The following BCAS1 variants were observed in gnomAD, a reference collection of about 807,000 sequenced individuals.
The protein encoded by BCAS1 is brain enriched myelin associated protein 1.
Under a neutral mutation model 65.4 loss-of-function variants are expected in BCAS1, and 46 were observed. That is an observed-to-expected ratio of 0.70 (90% CI 0.55 to 0.90). The LOEUF is 0.90. Among genes scored for constraint, BCAS1 ranks in the 40% least tolerant of loss-of-function variants. BCAS1 has a pLI of 0.00. For synonymous variants in BCAS1, 298 were observed against 293.5 expected (o/e 1.02, Z -0.16); for missense variants, 793 against 771.2 (o/e 1.03, Z -0.33).
chr20:54,039,239 T>G (rs977209960), intron 3 of BCAS1, among the ~76,000 whole-genome samples: 9 of 151,510 alleles, frequency 5.9e-5, no homozygotes, highest in African/African-American at 2.2e-4. Flanking sequence ...TAGATTAGAT[T>G]TGAAACTTTC....
At chr20:54,048,820 T>C (rs2092158280) in intron 3 of BCAS1, among the ~76,000 whole-genome samples, 1 of 152,238 alleles carries the variant, frequency 6.6e-6, no homozygotes. Context: ...TGGCTTAATA[T>C]GCCACTGTTC....
At chr20:54,066,163 C>T (rs1448373141) in intron 1 of BCAS1, among the ~76,000 whole-genome samples, 3 of 151,850 alleles carry the variant, frequency 2.0e-5, no homozygotes, top group Non-Finnish European at 4.4e-5. Context: ...AGCTCCGTCT[C>T]CCGGGTTCAC....
At chr20:54,065,985 G>A (rs2092435585) in intron 1 of BCAS1, among the ~76,000 whole-genome samples, 2 of 152,164 alleles carry the variant, frequency 1.3e-5, no homozygotes, top group South Asian at 4.1e-4. Flanking sequence ...TATTTTTGTA[G>A]CGCCTACCTT....
intron 7 of BCAS1, among the ~76,000 whole-genome samples, chr20:53,989,319 T>C (rs881206): frequency 0.13 from 19,106 of 152,200 alleles, 2,607 homozygotes; most frequent in African/African-American, 0.34. Flanking sequence ...TACAAGGGCA[T>C]GACCCTACTA....
At chr20:54,054,958 CAT>C (rs1168825320) in intron 3 of BCAS1, among the ~76,000 whole-genome samples, 3 of 151,984 alleles carry the variant, frequency 2.0e-5, no homozygotes, top group Non-Finnish European at 2.9e-5. Flanking sequence ...TATACCTATG[CAT>C]ATGTGTATCT....
At chr20:54,041,922 A>AAAAAAAAAAAAAAAAAAAAAC (rs2092006560) in intron 3 of BCAS1, among the ~76,000 whole-genome samples, 1 of 149,428 alleles carries the variant, frequency 6.7e-6, no homozygotes, top group Non-Finnish European at 1.5e-5. Context: ...AAAAAAAAAA[A>AAAAAAAAAAAAAAAAAAAAAC]AAAAAAAAAG....
At chr20:54,029,590 T>C (rs1300903578) in intron 3 of BCAS1, among the ~76,000 whole-genome samples, 1 of 152,228 alleles carries the variant, frequency 6.6e-6, no homozygotes, top group Non-Finnish European at 1.5e-5. Context: ...CCAGATTATC[T>C]AATTTTCTGT....
intron 4 of BCAS1, among the ~76,000 whole-genome samples, chr20:54,019,873 G>A (rs1316689772): frequency 2.0e-5 from 3 of 152,088 alleles, no homozygotes; most frequent in African/African-American, 4.8e-5. Flanking sequence ...CTGCACTGTC[G>A]GCCTCCACAC....
chr20:53,967,426 T>A (rs2090064143), intron 9 of BCAS1, among the ~76,000 whole-genome samples: 1 of 152,176 alleles, frequency 6.6e-6, no homozygotes, highest in Non-Finnish European at 1.5e-5. Flanking sequence ...ATTTGGCCTG[T>A]CTAGAAACCA....
At chr20:54,063,728 T>C (rs1396578512) in intron 1 of BCAS1, among the ~76,000 whole-genome samples, 1 of 152,220 alleles carries the variant, frequency 6.6e-6, no homozygotes, top group East Asian at 1.9e-4. Flanking sequence ...TAAATCCCCG[T>C]TTAATAGATG....
intron 3 of BCAS1, among the ~76,000 whole-genome samples, chr20:54,030,546 T>C: frequency 6.6e-6 from 1 of 151,782 alleles, no homozygotes. Context: ...AGGGAAGAAT[T>C]GAGATTTCTT....
In BCAS1 at chr20:53,989,179, G is replaced by T. The variant is rs376396565; in HGVS notation, c.1062+3333C>A. ...TTAGGGCAAAAAATAGTCTAAAAAA[G>T]TATCATGGTGAGGGCTGATACTGAG... On this transcript the variant is annotated intron_variant, in intron 7 of 12. Coordinates refer to ENST00000688948, the MANE Select transcript of BCAS1 (RefSeq NM_001366298.2). 2.6e-5 allele frequency among the ~76,000 whole-genome samples: 4 copies of T among 151,980 alleles called. No individual in the cohort carries two copies. In the South Asian group the frequency reaches 8.3e-4, roughly 32 times the overall value.
At chr20:54,066,897 T>TTA (rs769399652) in intron 1 of BCAS1, among the ~76,000 whole-genome samples, 3 of 152,238 alleles carry the variant, frequency 2.0e-5, no homozygotes, top group Non-Finnish European at 2.9e-5. Flanking sequence ...AGTCCAGAGT[T>TTA]TAGACTTTTA....
At chr20:53,997,737 G>A (rs780154093) in intron 4 of BCAS1, among the ~76,000 whole-genome samples, 5 of 152,136 alleles carry the variant, frequency 3.3e-5, no homozygotes, top group African/African-American at 4.8e-5. Flanking sequence ...TTGGTGCACC[G>A]GAGGTTGTGA....
rs75798091 is a variant in BCAS1, at chr20:53,963,876, A to G, written c.1485+3030T>C. ...CCAATGGGGACATTAACACATGTGC[A>G]TAGAAGTAAGTGTGTGAGGATCTTC... is the stretch of plus-strand genomic sequence containing the variant. On this transcript the variant is annotated intron_variant, in intron 10 of 12. Coordinates refer to ENST00000688948, the MANE Select transcript of BCAS1 (RefSeq NM_001366298.2). Among the ~76,000 whole-genome samples the G allele has an allele frequency of 1.9e-4, 29 of 152,378 alleles. 1 individual carries two copies. The East Asian group carries it at 4.8e-3, about 25-fold the overall frequency.
intron 6 of BCAS1, among the ~76,000 whole-genome samples, chr20:53,992,974 T>C (rs989748538): frequency 2.0e-5 from 3 of 152,188 alleles, no homozygotes; most frequent in Admixed American, 1.3e-4. Flanking sequence ...TACTTGATAG[T>C]TGTAGATATC....
intron 3 of BCAS1, among the ~76,000 whole-genome samples, chr20:54,049,048 TA>T (rs1490920431): frequency 6.6e-6 from 1 of 152,250 alleles, no homozygotes; most frequent in Non-Finnish European, 1.5e-5. Flanking sequence ...CTATATTTTT[TA>T]CTACATCAGG....
chr20:54,012,009 C>T (rs1465359341), intron 4 of BCAS1, among the ~76,000 whole-genome samples: 1 of 152,154 alleles, frequency 6.6e-6, no homozygotes, highest in East Asian at 1.9e-4. Flanking sequence ...AAAGTTGGAA[C>T]AACCAAACAT....
chr20:53,949,204 G>T (rs13038555), intron 12 of BCAS1, among the ~76,000 whole-genome samples: 1 of 84,242 alleles, frequency 1.2e-5, no homozygotes, highest in Admixed American at 1.3e-4. Flanking sequence ...GCATATATCC[G>T]CACACACACA....
Sources: gnomAD v4.1 joint callset for allele counts (sites outside exome capture counted in the v4.1 genomes callset) on GRCh38, gnomAD v4.1.1 for gene constraint, MANE v1.5 for transcripts, NCBI Gene and HGNC (gene_info 2026-07-23, HGNC 2026-07-21) for gene names.